Variants in HTT-AS observed in about 807,000 individuals in gnomAD.
HTT-AS encodes HTT antisense RNA (head to head).
intron 2 of HTT-AS, among the ~76,000 whole-genome samples, chr4:3,052,669 G>C (rs544471573): frequency 1.3e-5 from 2 of 151,768 alleles, no homozygotes; most frequent in African/African-American, 4.8e-5. Flanking sequence ...CCTCTTTTTT[G>C]GGGGGGATCC....
exon 2 of HTT-AS, among the ~76,000 whole-genome samples, chr4:3,063,160 G>A (rs1280495608): frequency 6.6e-6 from 1 of 152,146 alleles, no homozygotes; most frequent in Non-Finnish European, 1.5e-5. Context: ...CAGTGGAGAG[G>A]GCTCTCTTTT....
At chr4:3,062,801 G>C (rs1711961619) in exon 2 of HTT-AS, among the ~76,000 whole-genome samples, 1 of 152,066 alleles carries the variant, frequency 6.6e-6, no homozygotes, top group African/African-American at 2.4e-5. Context: ...AGGAAATCCT[G>C]TGTTGTGTGG....
At chr4:3,049,758 C>A (rs1405185248) in intron 2 of HTT-AS, among the ~76,000 whole-genome samples, 1 of 152,104 alleles carries the variant, frequency 6.6e-6, no homozygotes, top group East Asian at 1.9e-4. Flanking sequence ...AGCATAATAA[C>A]CTACTGTTAA....
At chr4:3,060,904 C>T (rs1711911311) in intron 2 of HTT-AS, among the ~76,000 whole-genome samples, 1 of 152,224 alleles carries the variant, frequency 6.6e-6, no homozygotes, top group African/African-American at 2.4e-5. Context: ...TCTTTGGGCC[C>T]TGTGTAAATT....
chr4:3,065,479 C>T (rs973117919), intron 1 of HTT-AS, among the ~76,000 whole-genome samples: 3 of 152,052 alleles, frequency 2.0e-5, no homozygotes, highest in African/African-American at 7.2e-5. Context: ...CCCAACCTCA[C>T]GTACTGGGAT....
intron 2 of HTT-AS, among the ~76,000 whole-genome samples, chr4:3,058,632 GTCA>G (rs1462796173): frequency 1.3e-5 from 2 of 152,050 alleles, no homozygotes; most frequent in Admixed American, 1.3e-4. Context: ...CCCAGCAGGT[GTCA>G]GCCTCATTTT....
chr4:3,047,667 C>A (rs973562984), downstream of HTT-AS, among the ~76,000 whole-genome samples: 1 of 152,066 alleles, frequency 6.6e-6, no homozygotes, highest in Non-Finnish European at 1.5e-5. Context: ...GGGAGAGGGG[C>A]GGAGGGGTTA....
intron 2 of HTT-AS, among the ~76,000 whole-genome samples, chr4:3,055,749 T>A (rs1202078118): frequency 6.6e-6 from 1 of 152,188 alleles, no homozygotes; most frequent in Non-Finnish European, 1.5e-5. Context: ...AATGATTTTT[T>A]CCTACCTAAG....
intron 2 of HTT-AS, among the ~76,000 whole-genome samples, chr4:3,051,838 C>T (rs550742856): frequency 1.6e-4 from 25 of 151,918 alleles, no homozygotes; most frequent in South Asian, 4.2e-4. Flanking sequence ...GCTTGCTCGC[C>T]GCTCAAGATG....
intron 1 of HTT-AS, among the ~76,000 whole-genome samples, chr4:3,074,157 A>G (rs1274963917): frequency 3.1e-4 from 30 of 97,370 alleles, no homozygotes; most frequent in Non-Finnish European, 4.9e-4. Context: ...CCCCTCCCCT[A>G]TCCCGCTCCG....
rs1712138359 is a variant in HTT-AS, at chr4:3,070,157, A to C, written n.113+4269T>G. On this transcript the variant is annotated intron_variant and non_coding_transcript_variant, in intron 1 of 2. Coordinates refer to ENST00000664062, the Ensembl canonical transcript of HTT-AS. ...CTTTCATTTAACAATCTTCCCCTGAATAGTTCATGTTCATTGCTGAAAATT... is the reference window on the plus strand; with the variant it reads ...CTTTCATTTAACAATCTTCCCCTGACTAGTTCATGTTCATTGCTGAAAATT... 2.6e-5 allele frequency: 4 copies of C among 152,266 alleles called. No individual in the cohort carries two copies. In the South Asian group the frequency reaches 8.3e-4, roughly 32 times the overall value. 9.4% of individuals were successfully genotyped at this position (152,266 alleles called of 1,614,324 possible). A position where few individuals can be genotyped will look rare whatever the true frequency, so the allele number is the denominator to read the frequency against.
chr4:3,061,448 AGGTG>A (rs1429428423), intron 2 of HTT-AS, among the ~76,000 whole-genome samples: 1 of 152,142 alleles, frequency 6.6e-6, no homozygotes, highest in African/African-American at 2.4e-5. Flanking sequence ...TGGGAGGCGG[AGGTG>A]GGTGGATCAC....
intron 2 of HTT-AS, among the ~76,000 whole-genome samples, chr4:3,052,873 A>G (rs1711733024): frequency 1.3e-5 from 2 of 152,180 alleles, no homozygotes; most frequent in Non-Finnish European, 2.9e-5. Context: ...GCATGCGCCT[A>G]TAGTCCCAGC....
intron 2 of HTT-AS, among the ~76,000 whole-genome samples, chr4:3,058,326 C>T (rs1016420588): frequency 2.7e-5 from 4 of 147,182 alleles, no homozygotes; most frequent in Non-Finnish European, 6.0e-5. Flanking sequence ...AACTCTGTCT[C>T]AAAAGAAAAA....
intron 1 of HTT-AS, among the ~76,000 whole-genome samples, chr4:3,066,512 C>T (rs930629881): frequency 1.3e-5 from 2 of 152,238 alleles, no homozygotes; most frequent in Non-Finnish European, 1.5e-5. Context: ...TGAAATCTAG[C>T]GCATGCCAAG....
chr4:3,057,988 G>A (rs1711842552), intron 2 of HTT-AS, among the ~76,000 whole-genome samples: 1 of 151,666 alleles, frequency 6.6e-6, no homozygotes, highest in South Asian at 2.1e-4. Context: ...GAAAGGGGTG[G>A]GCAATTCCCA....
intron 1 of HTT-AS, among the ~76,000 whole-genome samples, chr4:3,073,039 C>T (rs1171220731): frequency 6.6e-6 from 1 of 152,254 alleles, no homozygotes; most frequent in African/African-American, 2.4e-5. Flanking sequence ...GATCCTCCCA[C>T]ATCAGCCTCC....
intron 1 of HTT-AS, among the ~76,000 whole-genome samples, chr4:3,073,020 G>A (rs1330630723): frequency 6.6e-6 from 1 of 152,186 alleles, no homozygotes; most frequent in Non-Finnish European, 1.5e-5. Flanking sequence ...CAAATTCCTG[G>A]GTTCAGGTGA....
intron 1 of HTT-AS, among the ~76,000 whole-genome samples, chr4:3,071,526 C>T (rs77384845): frequency 0.096 from 14,532 of 152,082 alleles, 1,076 homozygotes; most frequent in African/African-American, 0.21. Flanking sequence ...CAGGGACTGT[C>T]ATACACTAGC....
Sources: allele counts gnomAD v4.1 joint callset (sites outside exome capture counted in the v4.1 genomes callset), GRCh38; gene constraint gnomAD v4.1.1; transcripts MANE v1.5; gene names NCBI Gene and HGNC (gene_info 2026-07-23, HGNC 2026-07-21).